Variants in DLGAP2 observed in about 807,000 individuals in gnomAD.
DLGAP2 encodes the protein DLG associated protein 2.
DLGAP2 carries 26 observed loss-of-function variants against 100.3 expected under a neutral mutation model. The ratio of observed to expected loss-of-function variants is 0.26; its 90% CI spans 0.19 to 0.36. DLGAP2 has a LOEUF of 0.36. Ranked by LOEUF, DLGAP2 falls within the 10% of genes least tolerant of loss-of-function variation. DLGAP2 has a pLI of 1.00. For synonymous variants in DLGAP2, 886 were observed against 630.1 expected, an observed-to-expected ratio of 1.41 and a Z score of -6.08; for missense variants, 1,858 against 1,453.2, an observed-to-expected ratio of 1.28 and a Z score of -4.53.
intron 5 of DLGAP2, among the ~76,000 whole-genome samples, chr8:1,551,303 C>G (rs1219256557): frequency 1.3e-5 from 2 of 152,176 alleles, no homozygotes; most frequent in African/African-American, 4.8e-5. Context: ...TCTGATCTGT[C>G]TCCTCATTGT....
At chr8:944,638 A>T (rs935901746) in intron 2 of DLGAP2, among the ~76,000 whole-genome samples, 13 of 151,284 alleles carry the variant, frequency 8.6e-5, no homozygotes, top group African/African-American at 3.2e-4. Flanking sequence ...GGTGGTAACC[A>T]GTCAATATGG....
chr8:1,489,192 G>T (rs956112173), intron 3 of DLGAP2, among the ~76,000 whole-genome samples: 1 of 152,210 alleles, frequency 6.6e-6, no homozygotes, highest in Non-Finnish European at 1.5e-5. Context: ...TGAAGTTTGA[G>T]CTGCTCGAGA....
At chr8:1,568,989 C>T (rs1802543486) in intron 6 of DLGAP2, among the ~76,000 whole-genome samples, 1 of 149,534 alleles carries the variant, frequency 6.7e-6, no homozygotes, top group Non-Finnish European at 1.5e-5. Flanking sequence ...TCCATCTCTG[C>T]CTGTGGCCCC....
intron 8 of DLGAP2, among the ~76,000 whole-genome samples, chr8:1,636,707 C>G (rs1268184540): frequency 1.3e-5 from 2 of 152,230 alleles, no homozygotes; most frequent in Admixed American, 6.5e-5. Context: ...GTGGACTAAA[C>G]TTGTTGCCTC....
chr8:951,203 T>TATCTAC (rs1799470814), intron 2 of DLGAP2, among the ~76,000 whole-genome samples: 1 of 152,164 alleles, frequency 6.6e-6, no homozygotes, highest in Non-Finnish European at 1.5e-5. Flanking sequence ...AGGATATCTA[T>TATCTAC]CTTGTTTCTG....
At chr8:1,590,061 C>T (rs936074969) in intron 6 of DLGAP2, among the ~76,000 whole-genome samples, 1 of 152,224 alleles carries the variant, frequency 6.6e-6, no homozygotes, top group Non-Finnish European at 1.5e-5. Context: ...CCTTCCGCCT[C>T]AGTGTCCGTG....
chr8:975,969 C>T (rs1292623365), intron 2 of DLGAP2, among the ~76,000 whole-genome samples: 2 of 151,986 alleles, frequency 1.3e-5, no homozygotes, highest in Non-Finnish European at 2.9e-5. Flanking sequence ...CAAAAATTAC[C>T]CTGAAACCAA....
chr8:1,306,668 A>G (rs1398189371), intron 3 of DLGAP2, among the ~76,000 whole-genome samples: 3 of 80,680 alleles, frequency 3.7e-5, no homozygotes, highest in African/African-American at 1.8e-4. Context: ...TAAGCAAAAT[A>G]GTGTGGTTAA....
At chr8:907,186 G>A (rs1030707965) in intron 1 of DLGAP2, among the ~76,000 whole-genome samples, 1 of 152,162 alleles carries the variant, frequency 6.6e-6, no homozygotes, top group South Asian at 2.1e-4. Context: ...CTTCATGGAG[G>A]GTTGAGGAAT....
At chr8:1,434,239 G>C (rs376796870) in intron 3 of DLGAP2, among the ~76,000 whole-genome samples, 7 of 152,276 alleles carry the variant, frequency 4.6e-5, no homozygotes, top group African/African-American at 1.4e-4. Context: ...CTGGCCCTGA[G>C]GAAATCTCGT....
intron 2 of DLGAP2, among the ~76,000 whole-genome samples, chr8:1,072,422 C>T (rs1462608016): frequency 6.6e-6 from 1 of 152,208 alleles, no homozygotes; most frequent in Non-Finnish European, 1.5e-5. Context: ...GAAATCTTTA[C>T]TGGGTGTCCT....
At chr8:1,561,663 C>T (rs887290383) in intron 5 of DLGAP2, among the ~76,000 whole-genome samples, 4 of 151,478 alleles carry the variant, frequency 2.6e-5, no homozygotes, top group African/African-American at 9.7e-5. Context: ...CAGGGGCCTG[C>T]GGGACTGTGG....
At chr8:1,588,090 G>T (rs1453258530) in intron 6 of DLGAP2, among the ~76,000 whole-genome samples, 1 of 152,192 alleles carries the variant, frequency 6.6e-6, no homozygotes, top group Non-Finnish European at 1.5e-5. Context: ...GCACGATGAA[G>T]AGTGTTCAGA....
At chr8:1,553,784 G>A (rs902764930) in intron 5 of DLGAP2, among the ~76,000 whole-genome samples, 3 of 152,156 alleles carry the variant, frequency 2.0e-5, no homozygotes, top group African/African-American at 4.8e-5. Context: ...TCTGAACGAC[G>A]TGTCTGTTTT....
chr8:1,345,299 T>C (rs531865964), intron 3 of DLGAP2, among the ~76,000 whole-genome samples: 28 of 116,128 alleles, frequency 2.4e-4, no homozygotes, highest in African/African-American at 7.0e-4. Context: ...TTCAGTTCCT[T>C]CAGAGCAGAG....
intron 1 of DLGAP2, among the ~76,000 whole-genome samples, chr8:778,492 C>G (rs1821590460): frequency 6.6e-6 from 1 of 152,154 alleles, no homozygotes; most frequent in South Asian, 2.1e-4. Flanking sequence ...TACTTTTGGT[C>G]TTTGATGATG....
intron 1 of DLGAP2, among the ~76,000 whole-genome samples, chr8:889,150 T>A (rs1321754953): frequency 6.6e-6 from 1 of 152,116 alleles, no homozygotes; most frequent in Non-Finnish European, 1.5e-5. Flanking sequence ...GACAATGTCA[T>A]CAGTTAAGGC....
At chr8:1,633,681 C>G (rs1286243589) in intron 8 of DLGAP2, among the ~76,000 whole-genome samples, 2 of 152,112 alleles carry the variant, frequency 1.3e-5, no homozygotes, top group Non-Finnish European at 2.9e-5. Context: ...TACACATGGC[C>G]TAGAGAAACC....
intron 3 of DLGAP2, among the ~76,000 whole-genome samples, chr8:1,444,476 C>T (rs1246062731): frequency 1.3e-5 from 2 of 152,192 alleles, no homozygotes; most frequent in Admixed American, 6.5e-5. Flanking sequence ...TGATGTCTTT[C>T]ATCTGCCTTC....
Sources: gnomAD v4.1 joint callset for allele counts (sites outside exome capture counted in the v4.1 genomes callset) on GRCh38, gnomAD v4.1.1 for gene constraint, MANE v1.5 for transcripts, NCBI Gene and HGNC (gene_info 2026-07-23, HGNC 2026-07-21) for gene names.